Variants in EPHA6 observed in about 807,000 individuals in gnomAD.
The protein encoded by EPHA6 is EPH receptor A6.
EPHA6 carries 50 observed loss-of-function variants against 112.0 expected under a neutral mutation model. That is an observed-to-expected ratio of 0.45 (90% CI 0.36 to 0.56). The LOEUF is 0.56. Ranked by LOEUF, EPHA6 falls within the 20% of genes least tolerant of loss-of-function variation. EPHA6 has a pLI of 0.00. For synonymous variants in EPHA6, 529 were observed against 490.7 expected (o/e 1.08, Z -1.03); for missense variants, 1,280 against 1,417.4 (o/e 0.90, Z 1.56).
At chr3:97,103,775 A>G (rs1168075303) in intron 3 of EPHA6, among the ~76,000 whole-genome samples, 1 of 152,110 alleles carries the variant, frequency 6.6e-6, no homozygotes, top group Non-Finnish European at 1.5e-5. Context: ...TCTCCTATAC[A>G]TGATCATGGA....
intron 3 of EPHA6, among the ~76,000 whole-genome samples, chr3:97,149,885 T>C (rs955674692): frequency 2.7e-5 from 4 of 149,952 alleles, no homozygotes; most frequent in African/African-American, 9.7e-5. Flanking sequence ...ATATATAATA[T>C]ATATAAAAAA....
At chr3:97,713,334 C>T (rs1285538590) in intron 14 of EPHA6, among the ~76,000 whole-genome samples, 2 of 152,072 alleles carry the variant, frequency 1.3e-5, no homozygotes, top group Non-Finnish European at 1.5e-5. Context: ...AAATATAAAA[C>T]CCTGAGACCT....
intron 3 of EPHA6, among the ~76,000 whole-genome samples, chr3:97,137,953 AG>A (rs1344665709): frequency 3.9e-5 from 6 of 152,196 alleles, no homozygotes; most frequent in Admixed American, 3.9e-4. Context: ...TTCCACAGAA[AG>A]GAACCAAAAT....
chr3:97,317,634 T>G lies in EPHA6; in HGVS notation c.1606+73347T>G, dbSNP rs556820508. ...TAATCATCATTATGCATGGAGTTTTTTTTTAATTTGTGACTTCGTGAAACT... is the reference window on the plus strand; with the variant it reads ...TAATCATCATTATGCATGGAGTTTTGTTTTAATTTGTGACTTCGTGAAACT... On this transcript the variant is annotated intron_variant, in intron 5 of 17. Transcript: ENST00000389672. 2.0e-5 allele frequency among the ~76,000 whole-genome samples: 3 copies of G among 152,194 alleles called. No homozygotes were observed. In the South Asian group the frequency reaches 6.2e-4, roughly 32 times the overall value.
At chr3:97,009,839 A>G (rs1178133780) in intron 3 of EPHA6, among the ~76,000 whole-genome samples, 1 of 151,578 alleles carries the variant, frequency 6.6e-6, no homozygotes, top group African/African-American at 2.4e-5. Context: ...GAGGGAACAG[A>G]CTCCCCTTCC....
chr3:97,668,401 A>G (rs2030387691), intron 14 of EPHA6, among the ~76,000 whole-genome samples: 1 of 152,182 alleles, frequency 6.6e-6, no homozygotes. Context: ...ATTGTCCAAG[A>G]TGTCAGAAAT....
intron 5 of EPHA6, among the ~76,000 whole-genome samples, chr3:97,366,256 C>G (rs1162860864): frequency 6.6e-6 from 1 of 152,004 alleles, no homozygotes; most frequent in African/African-American, 2.4e-5. Context: ...GTTTTACTTT[C>G]TTGTATACTA....
intron 14 of EPHA6, among the ~76,000 whole-genome samples, chr3:97,668,616 T>G (rs1008187521): frequency 1.3e-5 from 2 of 152,078 alleles, no homozygotes; most frequent in African/African-American, 4.8e-5. Flanking sequence ...TTATGCTGAT[T>G]AAGTATCCAC....
chr3:97,598,594 C>G (rs1342193264), intron 12 of EPHA6, among the ~76,000 whole-genome samples: 1 of 151,980 alleles, frequency 6.6e-6, no homozygotes, highest in East Asian at 1.9e-4. Flanking sequence ...AGGACATGAA[C>G]TCATCAATTT....
At chr3:97,132,669 T>C (rs935963984) in intron 3 of EPHA6, among the ~76,000 whole-genome samples, 1 of 152,042 alleles carries the variant, frequency 6.6e-6, no homozygotes, top group Non-Finnish European at 1.5e-5. Flanking sequence ...TATTTTACAA[T>C]CCTAAAATAT....
Position 97,266,497 on chromosome 3 carries a change from T to G in EPHA6, c.1606+22210T>G, listed in dbSNP as rs559453010. ...GATCTCATGTTTAAAAAAAAGAAAATAAAATCGGGCTTAAAAAAAAAATTT... is the reference window on the plus strand; with the variant it reads ...GATCTCATGTTTAAAAAAAAGAAAAGAAAATCGGGCTTAAAAAAAAAATTT... On this transcript the variant is annotated intron_variant, in intron 5 of 17. Transcript: ENST00000389672. 3.4e-4 allele frequency among the ~76,000 whole-genome samples: 51 copies of G among 150,200 alleles called. 1 individual carries two copies. Among genetic ancestry groups the G allele is most frequent in the African/African-American group, 8.1e-4 (33 of 40,664 alleles).
intron 3 of EPHA6, among the ~76,000 whole-genome samples, chr3:97,140,301 C>G (rs539064202): frequency 6.6e-6 from 1 of 151,950 alleles, no homozygotes; most frequent in Non-Finnish European, 1.5e-5. Context: ...CTGGTCTTGC[C>G]AGAGATGTAG....
intron 3 of EPHA6, among the ~76,000 whole-genome samples, chr3:97,172,880 G>A (rs2076738024): frequency 6.6e-6 from 1 of 151,878 alleles, no homozygotes; most frequent in African/African-American, 2.4e-5. Flanking sequence ...GAAATCAACA[G>A]TATTTACATT....
intron 11 of EPHA6, among the ~76,000 whole-genome samples, chr3:97,550,329 G>T (rs926725023): frequency 1.3e-5 from 2 of 152,190 alleles, no homozygotes; most frequent in Non-Finnish European, 2.9e-5. Flanking sequence ...CTCTTGAATT[G>T]CTATGCCAGC....
rs2078359837 is a variant in EPHA6, at chr3:97,226,476, A to T, written c.1270+57A>T. ...TGTTTCCAACCCTTTTGGTCTTTTC[A>T]TTCTAAATTTAAAAAATAAGTAAAT... On this transcript the variant is annotated intron_variant, in intron 4 of 17. Coordinates refer to ENST00000389672, the MANE Select transcript of EPHA6 (RefSeq NM_001080448.3). 9.6e-6 allele frequency: 14 copies of T among 1,462,190 alleles called. No individual in the cohort carries two copies. The South Asian group carries it at 1.4e-4, about 14-fold the overall frequency. The allele number at this position is 1,462,190 out of a possible 1,614,324, so 90.6% of individuals were successfully genotyped here.
At chr3:97,363,088 CACA>C (rs1163974354) in intron 5 of EPHA6, among the ~76,000 whole-genome samples, 1 of 146,352 alleles carries the variant, frequency 6.8e-6, no homozygotes, top group Non-Finnish European at 1.5e-5. Context: ...ACTCTCTACA[CACA>C]ACAACAGTTC....
rs763319742 is a variant in EPHA6, at chr3:97,645,576, TAGTG to T, written c.2784+7495_2784+7498del. On this transcript the variant is annotated intron_variant, in intron 14 of 17. Transcript: ENST00000389672. ...ATATACATAATGCTAGATGACGAGT[TAGTG>T]GGTGCAGTGCACCAGCATGGCACAT... 3.1e-4 allele frequency among the ~76,000 whole-genome samples: 46 copies of T among 148,238 alleles called. 1 individual carries two copies. Among genetic ancestry groups the T allele is most frequent in the Admixed American group, 1.1e-3 (16 of 14,910 alleles).
intron 3 of EPHA6, among the ~76,000 whole-genome samples, chr3:97,012,845 G>A (rs925161563): frequency 5.3e-5 from 8 of 151,648 alleles, no homozygotes; most frequent in African/African-American, 1.9e-4. Flanking sequence ...TTTCTCTCAC[G>A]ATTAGTGATG....
intron 5 of EPHA6, among the ~76,000 whole-genome samples, chr3:97,365,234 T>G (rs1321169555): frequency 6.6e-6 from 1 of 152,106 alleles, no homozygotes; most frequent in Non-Finnish European, 1.5e-5. Flanking sequence ...GATACATTTT[T>G]AAAGACTTTT....
Sources: allele counts gnomAD v4.1 joint callset (sites outside exome capture counted in the v4.1 genomes callset), GRCh38; gene constraint gnomAD v4.1.1; transcripts MANE v1.5; gene names NCBI Gene and HGNC (gene_info 2026-07-23, HGNC 2026-07-21).